The following LRRC4C variants were observed in gnomAD, a reference collection of about 807,000 sequenced individuals.
LRRC4C encodes leucine-rich repeat-containing protein 4C.
LRRC4C carries 5 observed loss-of-function variants against 33.6 expected under a neutral mutation model. The observed-to-expected ratio is 0.15, with a 90% CI of 0.08 to 0.31. LRRC4C has a LOEUF of 0.31. LRRC4C is among the 10% of genes least tolerant of loss of function. The pLI is 1.00. For synonymous variants in LRRC4C, 329 were observed against 302.0 expected, an observed-to-expected ratio of 1.09 and a Z score of -0.93; for missense variants, 560 against 796.7, an observed-to-expected ratio of 0.70 and a Z score of 3.58.
intron 2 of LRRC4C, among the ~76,000 whole-genome samples, chr11:40,716,705 C>G (rs180998769): frequency 7.9e-5 from 12 of 152,248 alleles, no homozygotes; most frequent in Admixed American, 7.9e-4. Context: ...TAAAACCATA[C>G]TGAAAAATCA....
intron 1 of LRRC4C, among the ~76,000 whole-genome samples, chr11:41,066,553 G>T (rs1359342897): frequency 2.6e-5 from 4 of 152,072 alleles, no homozygotes; most frequent in Non-Finnish European, 5.9e-5. Context: ...TGCAAATTCA[G>T]GAAATACAGA....
intron 3 of LRRC4C, among the ~76,000 whole-genome samples, chr11:40,488,651 T>C (rs1398187821): frequency 6.6e-6 from 1 of 152,106 alleles, no homozygotes; most frequent in African/African-American, 2.4e-5. Flanking sequence ...CTCCGTGTGT[T>C]GCCTCCCTGT....
At chr11:40,352,713 T>A (rs570682228) in intron 3 of LRRC4C, among the ~76,000 whole-genome samples, 129 of 152,206 alleles carry the variant, frequency 8.5e-4, no homozygotes, top group Admixed American at 1.1e-3. Flanking sequence ...CTCATTAATA[T>A]CTTTTTCTTT....
chr11:40,513,230 C>T (rs1429848098), intron 3 of LRRC4C, among the ~76,000 whole-genome samples: 11 of 112,530 alleles, frequency 9.8e-5, no homozygotes, highest in Non-Finnish European at 1.5e-4. Context: ...GCCTGGGCGA[C>T]AGAGTGAGAC....
At chr11:40,792,531 T>G (rs922009919) in intron 2 of LRRC4C, among the ~76,000 whole-genome samples, 11 of 152,202 alleles carry the variant, frequency 7.2e-5, no homozygotes, top group African/African-American at 2.2e-4. Context: ...ACTTTTACAC[T>G]GTTGGTGGGA....
At chr11:40,551,812 G>A (rs1957137234) in intron 3 of LRRC4C, among the ~76,000 whole-genome samples, 1 of 152,126 alleles carries the variant, frequency 6.6e-6, no homozygotes, top group South Asian at 2.1e-4. Flanking sequence ...AGTTTCTGAT[G>A]GTTCATCATA....
chr11:40,789,227 T>C (rs933569532), intron 2 of LRRC4C, among the ~76,000 whole-genome samples: 1 of 151,826 alleles, frequency 6.6e-6, no homozygotes, highest in African/African-American at 2.4e-5. Context: ...TGGCTATAAA[T>C]TTTAGGCTAG....
chr11:40,452,556 A>T (rs992332852), intron 3 of LRRC4C, among the ~76,000 whole-genome samples: 7 of 152,176 alleles, frequency 4.6e-5, no homozygotes, highest in African/African-American at 1.7e-4. Context: ...GATGTGGAGA[A>T]ATAGGAACAC....
At chr11:40,706,563 C>G (rs911820409) in intron 2 of LRRC4C, among the ~76,000 whole-genome samples, 1 of 152,044 alleles carries the variant, frequency 6.6e-6, no homozygotes, top group Non-Finnish European at 1.5e-5. Flanking sequence ...TGTTCCATTG[C>G]TCTATATCTC....
intron 2 of LRRC4C, among the ~76,000 whole-genome samples, chr11:40,696,319 T>C (rs1037383314): frequency 2.5e-5 from 3 of 121,366 alleles, no homozygotes; most frequent in Admixed American, 7.9e-5. Flanking sequence ...ATATGTGGTA[T>C]ATATATGAGT....
chr11:41,410,499 A>T (rs1462993996), intron 1 of LRRC4C, among the ~76,000 whole-genome samples: 2 of 147,472 alleles, frequency 1.4e-5, no homozygotes, highest in African/African-American at 5.0e-5. Flanking sequence ...GGTTTACGCC[A>T]TTCGGATCTC....
intron 1 of LRRC4C, among the ~76,000 whole-genome samples, chr11:41,023,432 G>C (rs1469207147): frequency 6.6e-6 from 1 of 151,616 alleles, no homozygotes; most frequent in African/African-American, 2.4e-5. Flanking sequence ...AATTAAATGG[G>C]ATAAAGCATT....
In LRRC4C at chr11:40,674,465, T is replaced by C. The variant is rs143850098; in HGVS notation, c.-406-26187A>G. Among the ~76,000 whole-genome samples the C allele has an allele frequency of 5.4e-3, 817 of 152,278 alleles. 7 individuals are homozygous for C. The highest frequency in any genetic ancestry group is 0.014 in the Middle Eastern group (4 of 294). Reference sequence around the variant, plus strand: ...TATTCAACAGCAAATATGGCAAGGATATTGTCCAATCAGAATGGATGTTGA... The same window carrying C: ...TATTCAACAGCAAATATGGCAAGGACATTGTCCAATCAGAATGGATGTTGA... On this transcript the variant is annotated intron_variant, in intron 2 of 6. Coordinates refer to ENST00000528697, the MANE Select transcript of LRRC4C (RefSeq NM_001258419.2).
chr11:40,884,795 T>A (rs773745716), intron 2 of LRRC4C, among the ~76,000 whole-genome samples: 26 of 150,378 alleles, frequency 1.7e-4, no homozygotes, highest in Non-Finnish European at 2.7e-4. Context: ...TAGAGTTGCT[T>A]CTGAATCTTT....
intron 1 of LRRC4C, among the ~76,000 whole-genome samples, chr11:41,408,754 A>AAAAAAAAAAAAAAAAAAAAC (rs1565649907): frequency 6.7e-6 from 1 of 149,336 alleles, no homozygotes; most frequent in African/African-American, 2.6e-5. Flanking sequence ...TTGTAAAAAA[A>AAAAAAAAAAAAAAAAAAAAC]AAAAAAAAAA....
chr11:41,265,474 G>T (rs761731442), intron 1 of LRRC4C, among the ~76,000 whole-genome samples: 5 of 152,024 alleles, frequency 3.3e-5, no homozygotes, highest in Non-Finnish European at 5.9e-5. Flanking sequence ...CAAAACAGGA[G>T]AAAACAGTCC....
chr11:41,291,814 A>C (rs943269049), intron 1 of LRRC4C, among the ~76,000 whole-genome samples: 2 of 152,164 alleles, frequency 1.3e-5, no homozygotes, highest in African/African-American at 2.4e-5. Context: ...GGAGGAGAGA[A>C]TTATAATTTA....
chr11:40,223,951 CATTTT>C (rs1338556924), intron 5 of LRRC4C, among the ~76,000 whole-genome samples: 1 of 152,126 alleles, frequency 6.6e-6, no homozygotes, highest in Non-Finnish European at 1.5e-5. Flanking sequence ...AAAGGTTTTT[CATTTT>C]AAGTGTTTTC....
At chr11:40,802,909 C>A (rs997469157) in intron 2 of LRRC4C, among the ~76,000 whole-genome samples, 1 of 152,170 alleles carries the variant, frequency 6.6e-6, no homozygotes, top group Non-Finnish European at 1.5e-5. Context: ...CAAGGAACAT[C>A]TTTGTGAATT....
Sources: gnomAD v4.1 joint callset for allele counts (sites outside exome capture counted in the v4.1 genomes callset) on GRCh38, gnomAD v4.1.1 for gene constraint, MANE v1.5 for transcripts, NCBI Gene and HGNC (gene_info 2026-07-23, HGNC 2026-07-21) for gene names.